SNRPN: variants seen among roughly 807,000 people sequenced by gnomAD.
SNRPN encodes the protein small nuclear ribonucleoprotein polypeptide N, also known as small nuclear ribonucleoprotein-associated protein N.
Under a neutral mutation model 25.2 loss-of-function variants are expected in SNRPN, and 7 were observed. The ratio of observed to expected loss-of-function variants is 0.28; its 90% CI spans 0.16 to 0.52. SNRPN has a LOEUF of 0.52. Among genes scored for constraint, SNRPN ranks in the 20% least tolerant of loss-of-function variants. The pLI is 0.96. For synonymous variants in SNRPN, 124 were observed against 110.6 expected, an observed-to-expected ratio of 1.12 and a Z score of -0.76; for missense variants, 196 against 322.5, an observed-to-expected ratio of 0.61 and a Z score of 3.00.
intron 2 of SNRPN, among the ~76,000 whole-genome samples, chr15:24,917,422 A>G (rs1227838882): frequency 1.3e-5 from 2 of 152,120 alleles, no homozygotes; most frequent in Non-Finnish European, 2.9e-5. Flanking sequence ...TGAAGAGGAG[A>G]ATTTAGTAAT....
chr15:24,914,882 G>C (rs1338726006), intron 2 of SNRPN, among the ~76,000 whole-genome samples: 1 of 152,084 alleles, frequency 6.6e-6, no homozygotes. Context: ...ACTCCAAATA[G>C]ATCATGGGAA....
At chr15:24,917,409 T>C (rs982618005) in intron 2 of SNRPN, among the ~76,000 whole-genome samples, 2 of 152,220 alleles carry the variant, frequency 1.3e-5, no homozygotes, top group Non-Finnish European at 2.9e-5. Context: ...TCCTGGACTC[T>C]CCTGAAGAGG....
At chr15:24,932,321 G>A (rs938521564) in intron 3 of SNRPN, among the ~76,000 whole-genome samples, 9 of 152,080 alleles carry the variant, frequency 5.9e-5, no homozygotes, top group Admixed American at 1.3e-4. Flanking sequence ...TGCACCCTCC[G>A]CCTCCTGGGT....
chr15:24,952,100 T>G (rs1395840913), upstream of SNRPN, among the ~76,000 whole-genome samples: 2 of 152,150 alleles, frequency 1.3e-5, no homozygotes, highest in Non-Finnish European at 2.9e-5. Context: ...ATGTGTAAAA[T>G]ATACACATAC....
chr15:24,921,937 G>A (rs771578443), intron 3 of SNRPN, among the ~76,000 whole-genome samples: 6 of 150,664 alleles, frequency 4.0e-5, no homozygotes, highest in South Asian at 2.1e-4. Flanking sequence ...GGTGGCTCAC[G>A]CCTGTAATCC....
intron 1 of SNRPN, among the ~76,000 whole-genome samples, chr15:24,859,052 A>G (rs772564013): frequency 3.0e-4 from 45 of 152,068 alleles, no homozygotes; most frequent in Admixed American, 1.6e-3. Context: ...CCTTATCTAA[A>G]GAAAGTTCAA....
At chr15:24,939,790 T>C (rs1049733722) in intron 3 of SNRPN, among the ~76,000 whole-genome samples, 2 of 148,794 alleles carry the variant, frequency 1.3e-5, no homozygotes, top group African/African-American at 4.9e-5. Context: ...GAATTCTTCT[T>C]TTTTTTTTTT....
upstream of SNRPN, among the ~76,000 whole-genome samples, chr15:24,953,422 C>G (rs892942337): frequency 5.9e-5 from 9 of 152,204 alleles, no homozygotes; most frequent in African/African-American, 1.9e-4. Context: ...CTCCCACGTT[C>G]AAGCAATTCT....
chr15:24,924,977 A>AT (rs2060282052), intron 3 of SNRPN, among the ~76,000 whole-genome samples: 2 of 152,142 alleles, frequency 1.3e-5, no homozygotes, highest in African/African-American at 4.8e-5. Context: ...TTGGCCTCTG[A>AT]TTCAGCTGTG....
intron 3 of SNRPN, among the ~76,000 whole-genome samples, chr15:24,973,982 TATTA>T (rs925120164): frequency 1.2e-4 from 19 of 152,306 alleles, no homozygotes; most frequent in South Asian, 6.2e-4. Context: ...GATGACTTCA[TATTA>T]ATTCTGAACT....
At chr15:24,956,476 G>A (rs2062921339) in intron 1 of SNRPN, among the ~76,000 whole-genome samples, 1 of 152,184 alleles carries the variant, frequency 6.6e-6, no homozygotes, top group African/African-American at 2.4e-5. Context: ...GGTAAGGAGA[G>A]GAAGCCGGCC....
intron 2 of SNRPN, among the ~76,000 whole-genome samples, chr15:24,837,562 G>C (rs1034949467): frequency 2.0e-5 from 3 of 151,548 alleles, no homozygotes; most frequent in Non-Finnish European, 2.9e-5. Flanking sequence ...GTAGAGACGG[G>C]GTTTCACCGT....
At chr15:24,941,174 A>C (rs2061531759) in intron 3 of SNRPN, among the ~76,000 whole-genome samples, 1 of 152,088 alleles carries the variant, frequency 6.6e-6, no homozygotes, top group Admixed American at 6.6e-5. Context: ...ACGGGGTTTT[A>C]ACATGTTGGC....
At chr15:24,930,546 G>C (rs1208236517) in intron 3 of SNRPN, among the ~76,000 whole-genome samples, 3 of 143,464 alleles carry the variant, frequency 2.1e-5, no homozygotes, top group Non-Finnish European at 4.5e-5. Context: ...AGGAATTTGA[G>C]ACCGGCCTGG....
intron 2 of SNRPN, among the ~76,000 whole-genome samples, chr15:24,908,052 C>CAAAAAAAAAAAA (rs71127014): frequency 2.8e-5 from 2 of 70,708 alleles, no homozygotes; most frequent in Non-Finnish European, 5.0e-5. Flanking sequence ...GACTCCATCT[C>CAAAAAAAAAAAA]AAAAAAAAAA....
At chr15:24,937,883 A>G (rs1245451214) in intron 3 of SNRPN, among the ~76,000 whole-genome samples, 5 of 152,154 alleles carry the variant, frequency 3.3e-5, no homozygotes, top group Admixed American at 1.3e-4. Context: ...TCCTTTTGTG[A>G]CAGGCTTATT....
chr15:24,960,563 C>G (rs1418790664), intron 1 of SNRPN, among the ~76,000 whole-genome samples: 2 of 152,102 alleles, frequency 1.3e-5, no homozygotes, highest in Non-Finnish European at 1.5e-5. Flanking sequence ...CTCAAGTGAT[C>G]GCTGGCCTCA....
intron 3 of SNRPN, among the ~76,000 whole-genome samples, chr15:24,921,579 A>G (rs529850130): frequency 6.6e-6 from 1 of 152,138 alleles, no homozygotes; most frequent in Non-Finnish European, 1.5e-5. Flanking sequence ...CCACCCTAGG[A>G]AAGTGAGCCA....
At chr15:24,868,540 C>A (rs2054807300) in intron 1 of SNRPN, among the ~76,000 whole-genome samples, 2 of 152,208 alleles carry the variant, frequency 1.3e-5, no homozygotes, top group East Asian at 3.9e-4. Flanking sequence ...GTCAAGGTTG[C>A]TGCCCACACT....
Sources: gnomAD v4.1 joint callset for allele counts (sites outside exome capture counted in the v4.1 genomes callset) on GRCh38, gnomAD v4.1.1 for gene constraint, MANE v1.5 for transcripts, NCBI Gene and HGNC (gene_info 2026-07-23, HGNC 2026-07-21) for gene names.